Variants in BIRC6 observed in about 807,000 individuals in gnomAD.
BIRC6 encodes dual E2 ubiquitin-conjugating enzyme/E3 ubiquitin-protein ligase BIRC6.
Under a neutral mutation model 503.3 loss-of-function variants are expected in BIRC6, and 98 were observed. The observed-to-expected ratio is 0.19, with a 90% CI of 0.17 to 0.23. The LOEUF (loss-of-function observed/expected upper bound fraction) is 0.23. BIRC6 is among the 10% of genes least tolerant of loss of function. The pLI, the probability that BIRC6 is intolerant of heterozygous loss-of-function variation, is 1.00. For missense variants in BIRC6, 5,360 were observed against 5,806.0 expected (o/e 0.92, Z 2.50); for synonymous variants, 2,240 against 2,078.7 (o/e 1.08, Z -2.11).
Position 32,493,425 on chromosome 2 carries a change from T to A in BIRC6, c.8341-115T>A, listed in dbSNP as rs942279041. 8 of 946,836 alleles carry A rather than the reference T, an allele frequency of 8.4e-6. No homozygotes were observed. The Admixed American group carries it at 2.1e-4, about 24-fold the overall frequency. 58.7% of individuals were successfully genotyped at this position (946,836 alleles called of 1,614,324 possible). A position where few individuals can be genotyped will look rare whatever the true frequency, so the allele number is the denominator to read the frequency against. The stretch of plus-strand genomic sequence containing the variant: ...ATCATTGTTAATACTTTTGTTTTCC[T>A]CGTACGAAAAGTTACAGTGTATAGC... On this transcript the variant is annotated intron_variant, in intron 44 of 73. Transcript: ENST00000421745.
intron 65 of BIRC6, among the ~76,000 whole-genome samples, chr2:32,560,302 A>G (rs909561689): frequency 6.6e-6 from 1 of 152,212 alleles, no homozygotes; most frequent in African/African-American, 2.4e-5. Context: ...ACACAATTTT[A>G]TCTCTCACAT....
At chr2:32,517,026 T>C (rs548335831) in intron 55 of BIRC6, among the ~76,000 whole-genome samples, 91 of 152,250 alleles carry the variant, frequency 6.0e-4, no homozygotes, top group Non-Finnish European at 9.6e-4. Context: ...TTGAAGGAGT[T>C]AGTTTTATTA....
chr2:32,381,227 C>G (rs925825947), intron 3 of BIRC6, among the ~76,000 whole-genome samples: 3 of 151,792 alleles, frequency 2.0e-5, no homozygotes, highest in Admixed American at 6.6e-5. Flanking sequence ...TTATGATATA[C>G]CTTGCTTTTT....
At chr2:32,548,563 C>T (rs1051493009) in intron 64 of BIRC6, 1 of 149,924 alleles carries the variant, frequency 6.7e-6, no homozygotes, top group Non-Finnish European at 1.5e-5. Flanking sequence ...GGGTGGATCA[C>T]CTGAGGTCAG....
At chr2:32,520,389 A>T (rs867147696) in intron 57 of BIRC6, among the ~76,000 whole-genome samples, 6 of 152,226 alleles carry the variant, frequency 3.9e-5, no homozygotes, top group Admixed American at 1.3e-4. Context: ...TATAAATATT[A>T]AAAAAAATTT....
chr2:32,442,376 G>C lies in BIRC6; in HGVS notation c.4159G>C (p.Asp1387His). The C allele has an allele frequency of 6.2e-7, 1 of 1,611,942 alleles. No individual in the cohort carries two copies. Among genetic ancestry groups the C allele is most frequent in the South Asian group, 1.1e-5 (1 of 90,636 alleles). The change falls in exon 19 of 74, where the codon GAC becomes CAC. Residue 1387 changes from aspartate to histidine, a missense_variant. Physicochemically the swap from Asp to His is moderately conservative, Grantham distance 81 (BLOSUM62 -1). This residue lies in a region of BIRC6 where 2,299 missense variants were observed against 2,267.2 expected (regional missense o/e 1.01). Transcript: ENST00000421745. ...LLSKTRKFLS[D>H]IVRVCFFEAG... ...TTCAAAAACACGAAAATTTCTGTCA[G>C]ACATCGTACGTGTTTGCTTCTTTGA...
At chr2:32,465,641 T>C (rs1246208485) in intron 26 of BIRC6, among the ~76,000 whole-genome samples, 1 of 152,134 alleles carries the variant, frequency 6.6e-6, no homozygotes, top group Non-Finnish European at 1.5e-5. Context: ...AGAACTGACA[T>C]TGGGATAGAT....
At chr2:32,510,199 C>A (rs1184552979) in intron 52 of BIRC6, among the ~76,000 whole-genome samples, 1 of 152,168 alleles carries the variant, frequency 6.6e-6, no homozygotes. Flanking sequence ...CAACCTCCAC[C>A]TCCCTAGTAG....
rs1331944947 is a variant in BIRC6, at chr2:32,515,224, A to T, written c.10803A>T (p.Ala3601=). ...CAGATGACTCTAAAAATGCACAAGC[A>T]CCTCTCGCATTAACTGAATCACATT... is the stretch of plus-strand genomic sequence containing the variant. ...SLTDDSKNAQ[A]PLALTESHLA... The change falls in exon 55 of 74, where the codon GCA becomes GCT. Residue 3601 remains alanine, a synonymous_variant. Coordinates refer to ENST00000421745, the MANE Select transcript of BIRC6 (RefSeq NM_016252.4). The T allele has an allele frequency of 6.2e-7, 1 of 1,613,878 alleles. No individual in the cohort carries two copies. Among genetic ancestry groups the T allele is most frequent in the Admixed American group, 1.7e-5 (1 of 60,028 alleles).
At chr2:32,460,306 G>C (rs1296127894) in intron 23 of BIRC6, among the ~76,000 whole-genome samples, 2 of 72,284 alleles carry the variant, frequency 2.8e-5, no homozygotes, top group Non-Finnish European at 5.3e-5. Context: ...TTGACATGGA[G>C]TCTCGCTCTG....
At chr2:32,432,242 G>T (rs1011099385) in intron 12 of BIRC6, among the ~76,000 whole-genome samples, 1 of 151,950 alleles carries the variant, frequency 6.6e-6, no homozygotes, top group Non-Finnish European at 1.5e-5. Context: ...ATGGTGAAAC[G>T]CTGTCTCTAC....
rs567937955 is a variant in BIRC6, at chr2:32,395,829, C to T, written c.1034+236C>T. Among the ~76,000 whole-genome samples, 9 of 152,262 alleles carry T rather than the reference C, an allele frequency of 5.9e-5. No homozygotes were observed. The South Asian group carries it at 8.3e-4, about 14-fold the overall frequency. On this transcript the variant is annotated intron_variant, in intron 6 of 73. Transcript: ENST00000421745. ...AGGGAAGTACCAAACAGTAGAACCA[C>T]GCTCTAACGAAAACCGGAAAGCTAT...
At chr2:32,385,388 G>A (rs543785401) in intron 3 of BIRC6, among the ~76,000 whole-genome samples, 27 of 152,322 alleles carry the variant, frequency 1.8e-4, no homozygotes, top group African/African-American at 5.8e-4. Context: ...AACACTTGAT[G>A]AAGGATACTT....
intron 1 of BIRC6, among the ~76,000 whole-genome samples, chr2:32,374,495 C>T (rs1241682548): frequency 6.8e-6 from 1 of 147,074 alleles, no homozygotes; most frequent in Non-Finnish European, 1.5e-5. Flanking sequence ...TTTTTTGTGA[C>T]GGAGTCTCAC....
chr2:32,404,244 A>G (rs1266569794), intron 8 of BIRC6, among the ~76,000 whole-genome samples: 1 of 151,970 alleles, frequency 6.6e-6, no homozygotes, highest in Non-Finnish European at 1.5e-5. Flanking sequence ...TGATTTTTTA[A>G]AAAGTTTTAT....
rs537268692 is a variant in BIRC6, at chr2:32,580,470, G to A, written c.13355+5104G>A. On this transcript the variant is annotated intron_variant, in intron 66 of 73. Transcript: ENST00000421745. ...TCACATATTCAGGGGACCTTGAAAA[G>A]TTTGGTGTGCCTGAGCATAGTGTAG... is the stretch of plus-strand genomic sequence containing the variant. Among the ~76,000 whole-genome samples the A allele has an allele frequency of 2.0e-5, 3 of 152,300 alleles. No homozygotes were observed. In the East Asian group the frequency reaches 5.8e-4, roughly 29 times the overall value.
At chr2:32,522,394 G>C (rs1372968527) in intron 57 of BIRC6, 6 of 151,710 alleles carry the variant, frequency 4.0e-5, no homozygotes, top group Non-Finnish European at 8.8e-5. Flanking sequence ...GTTGCTTTTA[G>C]ACTTGCTTTT....
intron 61 of BIRC6, among the ~76,000 whole-genome samples, chr2:32,537,187 C>G (rs2057303559): frequency 6.6e-6 from 1 of 152,074 alleles, no homozygotes; most frequent in Non-Finnish European, 1.5e-5. Context: ...TCTAGATATA[C>G]AATCTGTAAC....
intron 73 of BIRC6, among the ~76,000 whole-genome samples, chr2:32,611,847 CAA>C (rs1400596295): frequency 6.6e-6 from 1 of 152,036 alleles, no homozygotes; most frequent in Non-Finnish European, 1.5e-5. Flanking sequence ...ATAATGATGA[CAA>C]GATGTGCTCC....
Sources: gnomAD v4.1 joint callset for allele counts (sites outside exome capture counted in the v4.1 genomes callset) on GRCh38, gnomAD v4.1.1 for gene constraint, gnomAD v4.1.1 regional missense constraint, MANE v1.5 for transcripts, NCBI Gene and HGNC (gene_info 2026-07-23, HGNC 2026-07-21) for gene names.